The following MPND variants were observed in gnomAD, a reference collection of about 807,000 sequenced individuals.
MPND encodes the protein MPN domain containing.
MPND carries 56 observed loss-of-function variants against 59.2 expected under a neutral mutation model. That is an observed-to-expected ratio of 0.95 (90% CI 0.76 to 1.18). The LOEUF is 1.18. MPND is among the 50% of genes most tolerant of loss of function. The pLI is 0.00. For missense variants in MPND, 671 were observed against 676.0 expected, an observed-to-expected ratio of 0.99 and a Z score of 0.08; for synonymous variants, 323 against 291.9, an observed-to-expected ratio of 1.11 and a Z score of -1.09.
chr19:4,356,415 C>T (rs575938556), intron 8 of MPND, among the ~76,000 whole-genome samples: 3 of 152,156 alleles, frequency 2.0e-5, no homozygotes, highest in East Asian at 1.9e-4. Context: ...CATGGTGGTA[C>T]GCACCTGTAG....
rs1177162232 is a variant in MPND at position 4,358,093 on chromosome 19, G to A, written c.1247G>A (p.Ser416Asn). Residue 416 changes from serine (S) to asparagine (N), a missense_variant, in exon 11 of 13, where the codon AGT becomes AAT. Ser to Asn is a conservative substitution (Grantham distance 46, BLOSUM62 1). Coordinates refer to ENST00000599840, the MANE Select transcript of MPND (RefSeq NM_001300862.2). ...WVMPPPEQRP[S>N]DYGIPMDVEM... Reference sequence around the variant, plus strand: ...CTGTGTCCCTGCCAGCAAAGGCCCAGTGACTATGGCATCCCCATGGATGTG... The same window carrying A: ...CTGTGTCCCTGCCAGCAAAGGCCCAATGACTATGGCATCCCCATGGATGTG... 1 of 1,551,366 alleles carries A rather than the reference G, an allele frequency of 6.4e-7. No individual in the cohort carries two copies. The highest frequency in any genetic ancestry group is 1.4e-5 in the African/African-American group (1 of 73,066).
chr19:4,350,510 G>A (rs1007288230), intron 3 of MPND, among the ~76,000 whole-genome samples: 14 of 152,300 alleles, frequency 9.2e-5, no homozygotes, highest in African/African-American at 2.6e-4. Context: ...GTCCAGGTGA[G>A]GGATGATGGA....
chr19:4,349,452 G>T lies in MPND; in HGVS notation c.532-3445G>T, dbSNP rs564283246. On this transcript the variant is annotated intron_variant, in intron 3 of 12. Transcript: ENST00000599840. The stretch of plus-strand genomic sequence containing the variant: ...AGAAGGCGAGTGGGAGGGATGGAGC[G>T]TCAGGAAGTGAGGGTGCTCAACGGG... Among the ~76,000 whole-genome samples, 3 of 152,156 alleles carry T rather than the reference G, an allele frequency of 2.0e-5. No individual in the cohort carries two copies. The South Asian group carries it at 6.2e-4, about 32-fold the overall frequency.
In MPND at chr19:4,345,852, G is replaced by A; in HGVS notation, c.402G>A (p.Leu134=). Residue 134 remains leucine, a synonymous_variant, in exon 3 of 13, where the codon CTG becomes CTA. Transcript: ENST00000599840. ...PSAWATHCKK[L]VNPAKKSGCG... The stretch of plus-strand genomic sequence containing the variant: ...CCTGGGCCACCCACTGCAAGAAGCT[G>A]GTGAACCCTGCCAAGAAGTCGGGCT... 6.2e-7 allele frequency: 1 copy of A among 1,614,114 alleles called. No homozygotes were observed.
At position 4,357,372 on chromosome 19, in the gene MPND, G is replaced by A. The variant is rs895323808; in HGVS notation, c.1116G>A (p.Arg372=). 1.3e-5 allele frequency: 21 copies of A among 1,613,002 alleles called. No homozygotes were observed. In the Admixed American group the frequency reaches 2.0e-4, roughly 15 times the overall value. The change falls in exon 9 of 13, where the codon CGG becomes CGA. Residue 372 remains arginine, a synonymous_variant. Transcript: ENST00000599840. ...ACGCACAGATGGACTACCAGCTGCG[G>A]CTGCAGGGCTCCAGCAATGGCTTCC... The part of the protein sequence containing the change: ...DIDAQMDYQL[R]LQGSSNGFQP...
chr19:4,345,675 G>T (rs1049476015), intron 2 of MPND, 70 bp from the exon 3 acceptor site: 7 of 1,461,430 alleles, frequency 4.8e-6, no homozygotes, highest in Non-Finnish European at 6.6e-6. Context: ...GTAGGTCTGG[G>T]GAGGACCCCC....
At chr19:4,356,636 C>CT (rs11453629) in intron 8 of MPND, 49,637 of 147,430 alleles carry the variant, frequency 0.34, 8,602 homozygotes, top group East Asian at 0.65. Context: ...AGTTGCTATT[C>CT]TTTTTTTTTT....
chr19:4,354,186 C>A, intron 5 of MPND, 57 bp downstream of exon 5: 1 of 1,569,952 alleles, frequency 6.4e-7, no homozygotes, highest in South Asian at 1.1e-5. Flanking sequence ...TCTTGCTGGT[C>A]TTGGGGTAGC....
At chr19:4,352,412 C>T (rs778906864) in intron 3 of MPND, among the ~76,000 whole-genome samples, 6 of 152,146 alleles carry the variant, frequency 3.9e-5, no homozygotes, top group South Asian at 2.1e-4. Context: ...GAGCCGGGTG[C>T]GGTGGCTTAC....
intron 8 of MPND, among the ~76,000 whole-genome samples, 161 bp downstream of exon 8, chr19:4,355,334 T>C (rs559778859): frequency 4.0e-4 from 48 of 120,196 alleles, no homozygotes; most frequent in African/African-American, 1.6e-3. Context: ...TGAAGAACAC[T>C]GCTTTTTTTT....
intron 3 of MPND, among the ~76,000 whole-genome samples, chr19:4,346,610 T>A (rs1972192002): frequency 6.6e-6 from 1 of 151,302 alleles, no homozygotes; most frequent in African/African-American, 2.4e-5. Context: ...AGAGATGAGG[T>A]TTCACCATGT....
intron 2 of MPND, among the ~76,000 whole-genome samples, chr19:4,345,018 G>A (rs1289920966): frequency 7.0e-6 from 1 of 142,036 alleles, no homozygotes; most frequent in Non-Finnish European, 1.5e-5. Flanking sequence ...TGGGATTATA[G>A]GCGTGAGCCA....
chr19:4,356,318 C>T lies in MPND; in HGVS notation c.997-935C>T, dbSNP rs752603235. 6.6e-5 allele frequency among the ~76,000 whole-genome samples: 10 copies of T among 152,124 alleles called. No homozygotes were observed. In the South Asian group the frequency reaches 1.2e-3, roughly 19 times the overall value. On this transcript the variant is annotated intron_variant, in intron 8 of 12. Transcript: ENST00000599840. ...CTGGAATCCCAGCACTTAGGGAGGC[C>T]GAGGCAGGAGGTTTGCTGGAGTTCA... is the stretch of plus-strand genomic sequence containing the variant.
chr19:4,344,192 A>C (rs1210279051), intron 2 of MPND, among the ~76,000 whole-genome samples, 198 bp downstream of exon 2: 1 of 146,202 alleles, frequency 6.8e-6, no homozygotes, highest in Admixed American at 6.7e-5. Context: ...GAAGAGCTCC[A>C]GTGTGAGGAG....
At chr19:4,349,939 G>A (rs1003152623) in intron 3 of MPND, among the ~76,000 whole-genome samples, 5 of 152,340 alleles carry the variant, frequency 3.3e-5, no homozygotes, top group Admixed American at 6.5e-5. Flanking sequence ...TAGCTAAGAT[G>A]ACACAGGAAA....
At position 4,352,984 on chromosome 19, in the gene MPND, A is replaced by G; in HGVS notation, c.619A>G (p.Ser207Gly). 7.3e-7 allele frequency: 1 copy of G among 1,373,902 alleles called. No homozygotes were observed. Among genetic ancestry groups the G allele is most frequent in the Non-Finnish European group, 9.5e-7 (1 of 1,054,664 alleles). 85.1% of individuals were successfully genotyped at this position (1,373,902 alleles called of 1,614,324 possible). Reference protein sequence around the residue: ...VLAGVSAEDKSRRPLGKSPSE... With the variant: ...VLAGVSAEDKGRRPLGKSPSE... ...GGCAGGGGTCTCAGCAGAGGACAAGAGTCGGAGACCACTGGGGAAGAGCCC... is the reference window on the plus strand; with the variant it reads ...GGCAGGGGTCTCAGCAGAGGACAAGGGTCGGAGACCACTGGGGAAGAGCCC... Residue 207 changes from serine to glycine, a missense_variant, in exon 4 of 13, where the codon AGT (serine) becomes GGT (glycine). Transcript: ENST00000599840.
chr19:4,346,781 A>G (rs1284974385), intron 3 of MPND, among the ~76,000 whole-genome samples: 3 of 149,416 alleles, frequency 2.0e-5, no homozygotes, highest in African/African-American at 7.3e-5. Context: ...CTGTAATCCC[A>G]GCATTTTGGG....
intron 8 of MPND, among the ~76,000 whole-genome samples, chr19:4,355,894 G>A (rs1384669763): frequency 1.4e-4 from 19 of 134,678 alleles, no homozygotes; most frequent in African/African-American, 4.2e-4. Context: ...TCGCTCTGTC[G>A]CCCAGGATGG....
intron 1 of MPND, 52 bp downstream of exon 1, chr19:4,343,652 C>CGGGGCTGCAGAGCCGT (rs1183277516): frequency 2.5e-6 from 3 of 1,202,660 alleles, no homozygotes; most frequent in South Asian, 4.1e-5. Context: ...TGCAGGGGCG[C>CGGGGCTGCAGAGCCGT]GGGGCTGCAG....
Sources: gnomAD v4.1 joint callset for allele counts (sites outside exome capture counted in the v4.1 genomes callset) on GRCh38, gnomAD v4.1.1 for gene constraint, MANE v1.5 for transcripts, NCBI Gene and HGNC (gene_info 2026-07-23, HGNC 2026-07-21) for gene names.